The following CBLB variants were observed in gnomAD, a reference collection of about 807,000 sequenced individuals.
The protein encoded by CBLB is E3 ubiquitin-protein ligase CBL-B.
A neutral mutation model predicts 104.9 loss-of-function variants in CBLB; 31 were observed. The observed-to-expected ratio is 0.30, with a 90% CI of 0.22 to 0.40. CBLB has a LOEUF of 0.40. Among genes scored for constraint, CBLB ranks in the 10% least tolerant of loss-of-function variants. The pLI, the probability that CBLB is intolerant of heterozygous loss-of-function variation, is 1.00. For synonymous variants in CBLB, 440 were observed against 422.6 expected, an observed-to-expected ratio of 1.04 and a Z score of -0.51; for missense variants, 1,062 against 1,214.6, an observed-to-expected ratio of 0.87 and a Z score of 1.87.
intron 2 of CBLB, among the ~76,000 whole-genome samples, chr3:105,856,147 C>T (rs914626107): frequency 7.2e-5 from 11 of 151,882 alleles, no homozygotes; most frequent in Non-Finnish European, 1.5e-4. Flanking sequence ...GTCAGGAGTT[C>T]GAGACCAGCC....
chr3:105,704,080 G>A lies in CBLB; in HGVS notation c.1501C>T (p.His501Tyr), dbSNP rs1576470272. ...GGAGGCACGGGTGGCAGGCTTAGAT[G>A]TGGGATCTGGAGTGGGTCAGGCTGT... The part of the protein sequence containing the change: ...KPQPDPLQIP[H>Y]LSLPPVPPRL... Residue 501 changes from histidine (H) to tyrosine (Y), a missense_variant, in exon 11 of 19, where the codon CAT becomes TAT. Coordinates refer to ENST00000394030, the MANE Select transcript of CBLB (RefSeq NM_170662.5). The A allele has an allele frequency of 1.2e-6, 2 of 1,614,054 alleles. No homozygotes were observed. The highest frequency in any genetic ancestry group is 1.7e-6 in the Non-Finnish European group (2 of 1,180,010).
Position 105,671,985 on chromosome 3 carries a change from C to T in CBLB, c.2570-1633G>A, listed in dbSNP as rs117504060. 413 of 191,366 alleles carry T rather than the reference C, an allele frequency of 2.2e-3. 2 individuals carry two copies. The East Asian group carries it at 0.023, about 11-fold the overall frequency. 11.9% of individuals were successfully genotyped at this position (191,366 alleles called of 1,614,324 possible). ...CCAAAGGAAACAAATATGGTGATTTCAGCATAAATTTTGAAATTTCCCAAA... is the reference window on the plus strand; with the variant it reads ...CCAAAGGAAACAAATATGGTGATTTTAGCATAAATTTTGAAATTTCCCAAA... On this transcript the variant is annotated intron_variant, in intron 17 of 18. Coordinates refer to ENST00000394030, the MANE Select transcript of CBLB (RefSeq NM_170662.5).
intron 3 of CBLB, among the ~76,000 whole-genome samples, chr3:105,832,734 A>T (rs1317116740): frequency 6.6e-6 from 1 of 152,194 alleles, no homozygotes; most frequent in East Asian, 1.9e-4. Context: ...CTCACTAAAT[A>T]GGATGTAGCT....
intron 16 of CBLB, among the ~76,000 whole-genome samples, chr3:105,679,669 G>C (rs571023327): frequency 1.3e-5 from 2 of 151,858 alleles, no homozygotes; most frequent in African/African-American, 2.4e-5. Flanking sequence ...CTGGCTACTC[G>C]GGAGGCTGAG....
At chr3:105,673,949 C>A (rs1488286919) in intron 17 of CBLB, 1 of 152,232 alleles carries the variant, frequency 6.6e-6, no homozygotes, top group African/African-American at 2.4e-5. Flanking sequence ...ATCCTGGTTG[C>A]ACTTTTTTGA....
intron 3 of CBLB, among the ~76,000 whole-genome samples, chr3:105,845,938 A>C (rs2153105461): frequency 6.6e-6 from 1 of 152,254 alleles, no homozygotes; most frequent in South Asian, 2.1e-4. Flanking sequence ...AGCTTTCTAA[A>C]GCAAATTCTA....
intron 2 of CBLB, among the ~76,000 whole-genome samples, chr3:105,865,646 G>C (rs1294499960): frequency 6.6e-6 from 1 of 152,102 alleles, no homozygotes; most frequent in Admixed American, 6.5e-5. Flanking sequence ...GACCAAAATT[G>C]TGTACATCAT....
chr3:105,792,938 G>A (rs2081857334), intron 3 of CBLB, among the ~76,000 whole-genome samples: 1 of 152,086 alleles, frequency 6.6e-6, no homozygotes, highest in African/African-American at 2.4e-5. Flanking sequence ...AAATAAAAAA[G>A]TATTTTCTCC....
intron 3 of CBLB, 26 bp from the exon 4 acceptor site, chr3:105,776,568 A>C: frequency 6.2e-7 from 1 of 1,611,772 alleles, no homozygotes; most frequent in South Asian, 1.1e-5. Context: ...AAAAAAATGA[A>C]GATAAGAAAT....
At chr3:105,824,431 G>C (rs756926290) in intron 3 of CBLB, among the ~76,000 whole-genome samples, 1 of 152,056 alleles carries the variant, frequency 6.6e-6, no homozygotes, top group Non-Finnish European at 1.5e-5. Context: ...GGCAACTTTA[G>C]TTAACAAATA....
At chr3:105,857,633 T>G (rs142457608) in intron 2 of CBLB, among the ~76,000 whole-genome samples, 2,169 of 152,360 alleles carry the variant, frequency 0.014, 18 homozygotes, top group Non-Finnish European at 0.021. Flanking sequence ...TTAATTAAAA[T>G]TAGGCATATA....
intron 13 of CBLB, among the ~76,000 whole-genome samples, chr3:105,686,552 AC>A (rs1362102847): frequency 6.6e-6 from 1 of 152,130 alleles, no homozygotes; most frequent in Non-Finnish European, 1.5e-5. Context: ...GCCTGAATTA[AC>A]ATTCATTTTT....
intron 2 of CBLB, among the ~76,000 whole-genome samples, chr3:105,862,661 G>A (rs867728595): frequency 4.6e-5 from 7 of 152,124 alleles, no homozygotes; most frequent in Non-Finnish European, 8.8e-5. Flanking sequence ...GCACAGCCCT[G>A]AAGTTTTCCC....
chr3:105,803,088 A>G (rs2083084613), intron 3 of CBLB, among the ~76,000 whole-genome samples: 1 of 152,242 alleles, frequency 6.6e-6, no homozygotes, highest in South Asian at 2.1e-4. Flanking sequence ...AATAGCACTC[A>G]TGCATAGTCA....
At chr3:105,705,199 G>A (rs111312664) in intron 10 of CBLB, among the ~76,000 whole-genome samples, 20 of 152,192 alleles carry the variant, frequency 1.3e-4, no homozygotes, top group Middle Eastern at 6.8e-3. Flanking sequence ...ACCTTTGTAC[G>A]AATTGCTGAT....
chr3:105,670,040 C>G (rs2064897686), intron 18 of CBLB, among the ~76,000 whole-genome samples, 193 bp downstream of exon 18: 1 of 152,080 alleles, frequency 6.6e-6, no homozygotes. Context: ...TAATATTTTT[C>G]TTTTCAATGA....
Position 105,836,603 on chromosome 3 carries a change from G to C in CBLB, c.419+16811C>G, listed in dbSNP as rs766849061. Among the ~76,000 whole-genome samples the C allele has an allele frequency of 3.3e-5, 5 of 152,140 alleles. No homozygotes were observed. In the South Asian group the frequency reaches 1.0e-3, roughly 32 times the overall value. ...TTTACGGGCAAGTTTCGGAACCACA[G>C]TATGGCCTGAGAAATAGGGCAAATA... On this transcript the variant is annotated intron_variant, in intron 3 of 18. Transcript: ENST00000394030.
At chr3:105,734,352 C>A (rs2074668305) in intron 8 of CBLB, among the ~76,000 whole-genome samples, 1 of 152,146 alleles carries the variant, frequency 6.6e-6, no homozygotes, top group Admixed American at 6.5e-5. Context: ...TATCATCTAT[C>A]TTACATGCTT....
chr3:105,868,229 A>G, intron 1 of CBLB: 1 of 1,232,458 alleles, frequency 8.1e-7, no homozygotes, highest in Non-Finnish European at 1.0e-6. Flanking sequence ...TTAACACACA[A>G]ATAGCCCATT....
Sources: allele counts gnomAD v4.1 joint callset (sites outside exome capture counted in the v4.1 genomes callset), GRCh38; gene constraint gnomAD v4.1.1; transcripts MANE v1.5; gene names NCBI Gene and HGNC (gene_info 2026-07-23, HGNC 2026-07-21).